CHD8: variants seen among roughly 807,000 people sequenced by gnomAD.
CHD8 encodes chromodomain helicase DNA binding protein 8, also known as ATP-dependent chromatin remodeler CHD8.
CHD8 carries 31 observed loss-of-function variants against 279.2 expected under a neutral mutation model. The observed-to-expected ratio is 0.11, with a 90% CI of 0.08 to 0.15. The LOEUF is 0.15. Among genes scored for constraint, CHD8 ranks in the 10% least tolerant of loss-of-function variants. CHD8 has a pLI of 1.00. For synonymous variants in CHD8, 1,081 were observed against 1,139.6 expected (o/e 0.95, Z 1.04); for missense variants, 2,146 against 3,230.5 (o/e 0.66, Z 8.14).
intron 5 of CHD8, among the ~76,000 whole-genome samples, chr14:21,423,477 C>G (rs77036374): frequency 0.035 from 5,275 of 152,190 alleles, 163 homozygotes; most frequent in Non-Finnish European, 0.055. Flanking sequence ...AGGGTCCCCC[C>G]TCTCAACACA....
intron 1 of CHD8, among the ~76,000 whole-genome samples, chr14:21,454,545 C>A (rs1890339530): frequency 6.6e-6 from 1 of 152,122 alleles, no homozygotes; most frequent in South Asian, 2.1e-4. Flanking sequence ...TCAGGCTGGT[C>A]TCGAACTCCT....
intron 5 of CHD8, among the ~76,000 whole-genome samples, chr14:21,417,196 G>C (rs767156371): frequency 1.3e-5 from 2 of 152,188 alleles, no homozygotes; most frequent in African/African-American, 2.4e-5. Context: ...CATTTTTGGT[G>C]AGAGTACATA....
chr14:21,445,215 C>T (rs1016024081), intron 1 of CHD8, among the ~76,000 whole-genome samples: 1 of 152,194 alleles, frequency 6.6e-6, no homozygotes, highest in Non-Finnish European at 1.5e-5. Context: ...CTGCAATTAC[C>T]TTCTAACTGG....
At chr14:21,392,238 C>A (rs543459682) in intron 34 of CHD8, 5 of 755,092 alleles carry the variant, frequency 6.6e-6, no homozygotes, top group Non-Finnish European at 1.2e-5. Flanking sequence ...ATTAGCATGG[C>A]AACTCATCAC....
At chr14:21,445,772 C>A (rs746090832) in intron 1 of CHD8, among the ~76,000 whole-genome samples, 10 of 146,520 alleles carry the variant, frequency 6.8e-5, no homozygotes, top group African/African-American at 2.3e-4. Context: ...GAAGCCAATG[C>A]GGGTGGATCA....
chr14:21,438,412 T>C (rs1488082702), intron 1 of CHD8, among the ~76,000 whole-genome samples: 2 of 148,670 alleles, frequency 1.3e-5, no homozygotes, highest in Non-Finnish European at 3.0e-5. Context: ...TGGTGGCTCA[T>C]GCCTGCAATC....
At position 21,429,000 on chromosome 14, in the gene CHD8, T is replaced by A; in HGVS notation, c.1179A>T (p.Arg393Ser). ...GTACCACCTTGACTGGTACTGAAAGTCTTTGTCCTGGGCTTTGTCCTGGTC... is the reference window on the plus strand; with the variant it reads ...GTACCACCTTGACTGGTACTGAAAGACTTTGTCCTGGGCTTTGTCCTGGTC... ...IMGPGQSPGQRLSVPVKVVLQ... is the reference protein window; with the variant it reads ...IMGPGQSPGQSLSVPVKVVLQ... Residue 393 changes from arginine (R) to serine (S), a missense_variant, in exon 3 of 38, where the codon AGA becomes AGT. This residue lies in a region of CHD8 where 170 missense variants were observed against 189.9 expected (regional missense o/e 0.90). Transcript: ENST00000646647. 1 of 1,613,990 alleles carries A rather than the reference T, an allele frequency of 6.2e-7. No individual in the cohort carries two copies.
chr14:21,387,522 T>A (rs952318471), intron 37 of CHD8, among the ~76,000 whole-genome samples: 1 of 151,094 alleles, frequency 6.6e-6, no homozygotes, highest in Admixed American at 6.6e-5. Flanking sequence ...TAATCCCAGC[T>A]ACTGGGGAGG....
At chr14:21,430,658 G>C in intron 2 of CHD8, 143 bp downstream of exon 2, 1 of 611,108 alleles carries the variant, frequency 1.6e-6, no homozygotes, top group Non-Finnish European at 2.9e-6. Flanking sequence ...TACTAAGTAT[G>C]TGGCTGTCAC....
Position 21,399,843 on chromosome 14 carries a change from G to C in CHD8, c.4817+138C>G, listed in dbSNP as rs1805251891. The C allele has an allele frequency of 1.3e-5, 12 of 956,632 alleles. No individual in the cohort carries two copies. The South Asian group carries it at 1.6e-4, about 13-fold the overall frequency. 59.3% of individuals were successfully genotyped at this position (956,632 alleles called of 1,614,324 possible). A position where few individuals can be genotyped will look rare whatever the true frequency, so the allele number is the denominator to read the frequency against. On this transcript the variant is annotated intron_variant, in intron 25 of 37. Transcript: ENST00000646647. The stretch of plus-strand genomic sequence containing the variant: ...ATCTACCCTATTTCCTCCCACTAGT[G>C]TCAAGTATAAGATTAAAGACCTGAT...
At chr14:21,394,668 T>C in intron 30 of CHD8, 183 bp from the exon 31 acceptor site, 1 of 607,050 alleles carries the variant, frequency 1.6e-6, no homozygotes, top group South Asian at 2.1e-5. Context: ...TGAGTAAGAA[T>C]TACAGAGCCA....
At position 21,431,698 on chromosome 14, in the gene CHD8, G is replaced by T; in HGVS notation, c.-55C>A. 6.3e-7 allele frequency: 1 copy of T among 1,596,152 alleles called. No individual in the cohort carries two copies. Among genetic ancestry groups the T allele is most frequent in the Non-Finnish European group, 8.5e-7 (1 of 1,171,278 alleles). On this transcript the variant is annotated 5_prime_UTR_variant, in exon 2 of 38. Transcript: ENST00000646647. Reference sequence around the variant, plus strand: ...AAGGTCTAGGGAGGGAAGGGGAGGGGGGGTACTGGCTCTCCCCTCCCCTCC... The same window carrying T: ...AAGGTCTAGGGAGGGAAGGGGAGGGTGGGTACTGGCTCTCCCCTCCCCTCC...
Position 21,431,708 on chromosome 14 carries a change from C to T in CHD8, c.-65G>A. ...GAGGGAAGGGGAGGGGGGGTACTGG[C>T]TCTCCCCTCCCCTCCCCTATTAAGA... On this transcript the variant is annotated 5_prime_UTR_variant, in exon 2 of 38. Coordinates refer to ENST00000646647, the MANE Select transcript of CHD8 (RefSeq NM_001170629.2). 1 of 1,601,936 alleles carries T rather than the reference C, an allele frequency of 6.2e-7. No homozygotes were observed. The highest frequency in any genetic ancestry group is 2.2e-5 in the East Asian group (1 of 44,684).
intron 10 of CHD8, among the ~76,000 whole-genome samples, chr14:21,411,946 C>T (rs907627026): frequency 6.6e-6 from 1 of 151,910 alleles, no homozygotes; most frequent in African/African-American, 2.4e-5. Flanking sequence ...CGCTTGCAGT[C>T]CCAGCTATTC....
Position 21,385,385 on chromosome 14 carries a change from C to T in CHD8, c.*228G>A. On this transcript the variant is annotated 3_prime_UTR_variant, in exon 38 of 38. Coordinates refer to ENST00000646647, the MANE Select transcript of CHD8 (RefSeq NM_001170629.2). ...CCAGCTGCTCTAGTCTCCTTTCCTT[C>T]CCCAGAAATGAGGAAGTGGTCATGT... 1 of 650,058 alleles carries T rather than the reference C, an allele frequency of 1.5e-6. No homozygotes were observed. Among genetic ancestry groups the T allele is most frequent in the African/African-American group, 1.8e-5 (1 of 54,892 alleles). 40.3% of individuals were successfully genotyped at this position (650,058 alleles called of 1,614,324 possible).
intron 1 of CHD8, among the ~76,000 whole-genome samples, chr14:21,440,816 A>T (rs1017193469): frequency 6.6e-6 from 1 of 152,204 alleles, no homozygotes; most frequent in East Asian, 1.9e-4. Flanking sequence ...GAATAACGTA[A>T]TCAGAATTAC....
At chr14:21,411,145 G>A (rs1382848385) in intron 10 of CHD8, among the ~76,000 whole-genome samples, 3 of 152,094 alleles carry the variant, frequency 2.0e-5, no homozygotes, top group African/African-American at 7.2e-5. Flanking sequence ...TAGAAGGGTA[G>A]GTATGATTAA....
chr14:21,400,751 G>A lies in CHD8; in HGVS notation c.4370+124C>T. On this transcript the variant is annotated intron_variant, in intron 22 of 37. Transcript: ENST00000646647. The surrounding 1 kb of genome is among the most constrained non-coding windows in gnomAD (Gnocchi z 4.2). The stretch of plus-strand genomic sequence containing the variant: ...AATAAACAGAACAAACTCCCTCCAA[G>A]GCAAATATTTTTTCACATTATCCCT... 1 of 1,293,226 alleles carries A rather than the reference G, an allele frequency of 7.7e-7. No homozygotes were observed. Among genetic ancestry groups the A allele is most frequent in the Non-Finnish European group, 1.1e-6 (1 of 949,230 alleles). The allele number at this position is 1,293,226 out of a possible 1,614,324, so 80.1% of individuals were successfully genotyped here. A position where few individuals can be genotyped will look rare whatever the true frequency, so the allele number is the denominator to read the frequency against.
At chr14:21,399,391 T>C (rs1887934990) in intron 26 of CHD8, 2 of 531,032 alleles carry the variant, frequency 3.8e-6, no homozygotes, top group Non-Finnish European at 6.8e-6. Context: ...GCTCCCTACC[T>C]TGAGATTTAC....
Sources: allele counts gnomAD v4.1 joint callset (sites outside exome capture counted in the v4.1 genomes callset), GRCh38; gene constraint gnomAD v4.1.1; regional missense constraint gnomAD v4.1.1; non-coding constraint Gnocchi (gnomAD v3.1); transcripts MANE v1.5; gene names NCBI Gene and HGNC (gene_info 2026-07-23, HGNC 2026-07-21).